Variants in RBBP6 observed in about 807,000 individuals in gnomAD.
RBBP6 encodes RB binding protein 6, ubiquitin ligase.
In RBBP6, 25 loss-of-function variants were observed where a neutral mutation model predicts 167.7. The observed-to-expected ratio is 0.15, with a 90% CI of 0.11 to 0.21. The LOEUF is 0.21. Among genes scored for constraint, RBBP6 ranks in the 10% least tolerant of loss-of-function variants. The pLI is 1.00. For missense variants in RBBP6, 1,868 were observed against 2,134.2 expected (o/e 0.88, Z 2.46); for synonymous variants, 789 against 735.8 (o/e 1.07, Z -1.17).
chr16:24,544,799 C>G (rs1459548997), intron 1 of RBBP6, among the ~76,000 whole-genome samples: 6 of 152,168 alleles, frequency 3.9e-5, no homozygotes, highest in African/African-American at 1.2e-4. Flanking sequence ...TCTTCTCCCT[C>G]TTGGTTTTCC....
rs751954607 is a variant in RBBP6, at chr16:24,541,181, C to CAA, written c.166+399_166+400dup. Among the ~76,000 whole-genome samples the CAA allele has an allele frequency of 6.1e-3, 353 of 57,896 alleles. 2 individuals are homozygous for CAA. The highest frequency in any genetic ancestry group is 0.014 in the South Asian group (22 of 1,580). The allele number at this position is 57,896 out of a possible 152,430, so 38.0% of individuals were successfully genotyped here. On this transcript the variant is annotated intron_variant, in intron 1 of 17. Transcript: ENST00000319715. ...GTGCAAAGCTTGTTTGTTCAATCAG[C>CAA]AAAAAAAAAAACAAAAAAAAAACCA...
chr16:24,546,394 G>A (rs1424000785), intron 2 of RBBP6, 132 bp downstream of exon 2: 14 of 1,099,336 alleles, frequency 1.3e-5, no homozygotes, highest in Non-Finnish European at 1.5e-5. Context: ...AAGACTGTGA[G>A]GATAGTAGGT....
chr16:24,556,650 G>A (rs879752281), intron 7 of RBBP6, among the ~76,000 whole-genome samples: 3 of 152,090 alleles, frequency 2.0e-5, no homozygotes, highest in Non-Finnish European at 2.9e-5. Flanking sequence ...GGGATTTTTT[G>A]TTACCAGTGA....
intron 2 of RBBP6, among the ~76,000 whole-genome samples, chr16:24,547,940 A>T (rs1462731871): frequency 1.3e-5 from 2 of 152,204 alleles, no homozygotes; most frequent in East Asian, 3.8e-4. Flanking sequence ...TTATATGTTA[A>T]TGTACAATAT....
chr16:24,549,389 T>A, intron 3 of RBBP6: 3 of 1,009,258 alleles, frequency 3.0e-6, no homozygotes, highest in Non-Finnish European at 2.4e-6. Flanking sequence ...CAATAAAAAA[T>A]GTTTGGAGTG....
chr16:24,566,635 G>A (rs1042635226), intron 14 of RBBP6, among the ~76,000 whole-genome samples: 4 of 152,180 alleles, frequency 2.6e-5, no homozygotes, highest in Non-Finnish European at 5.9e-5. Context: ...CAGCTACTTG[G>A]GAAGCTGAGG....
At chr16:24,549,412 T>C (rs1243262280) in intron 3 of RBBP6, 3 of 986,974 alleles carry the variant, frequency 3.0e-6, no homozygotes, top group Non-Finnish European at 3.6e-6. Flanking sequence ...TATTTTGCCA[T>C]TTTCACGTTG....
Position 24,570,085 on chromosome 16 carries a change from A to G in RBBP6, c.3395A>G (p.Lys1132Arg). Residue 1132 changes from lysine (K) to arginine (R), a missense_variant, in exon 17 of 18, where the codon AAG becomes AGG. This residue lies in a region of RBBP6 where 673 missense variants were observed against 691.5 expected (regional missense o/e 0.97). Transcript: ENST00000319715. ...KLTTKEEKAK[K>R]PNEKNKPLDN... Reference sequence around the variant, plus strand: ...ACAACTAAGGAAGAAAAGGCCAAGAAGCCTAATGAGAAAAACAAACCACTT... The same window carrying G: ...ACAACTAAGGAAGAAAAGGCCAAGAGGCCTAATGAGAAAAACAAACCACTT... 6.2e-7 allele frequency: 1 copy of G among 1,605,658 alleles called. No homozygotes were observed. The highest frequency in any genetic ancestry group is 8.5e-7 in the Non-Finnish European group (1 of 1,178,210).
chr16:24,569,115 A>G lies in RBBP6; in HGVS notation c.2425A>G (p.Lys809Glu), dbSNP rs1169362603. 2 of 1,613,472 alleles carry G rather than the reference A, an allele frequency of 1.2e-6. No homozygotes were observed. Among genetic ancestry groups the G allele is most frequent in the Admixed American group, 3.3e-5 (2 of 59,828 alleles). The stretch of plus-strand genomic sequence containing the variant: ...AGAAGTTCCACCACCATATGACATG[A>G]AAGCATATTATGGGAGAAGTGTTGA... ...YREVPPPYDM[K>E]AYYGRSVDFR... The change falls in exon 17 of 18, where the codon AAA becomes GAA. Residue 809 changes from lysine (K) to glutamate (E), a missense_variant. By Grantham distance (56) the Lys-to-Glu change is moderately conservative. This residue lies in a region of RBBP6 where 673 missense variants were observed against 691.5 expected (regional missense o/e 0.97). Transcript: ENST00000319715.
chr16:24,566,087 A>G (rs1567278840), intron 14 of RBBP6, among the ~76,000 whole-genome samples: 1 of 152,148 alleles, frequency 6.6e-6, no homozygotes, highest in Admixed American at 6.5e-5. Flanking sequence ...AATTCGGGAT[A>G]TCTTCTAGTG....
intron 1 of RBBP6, among the ~76,000 whole-genome samples, chr16:24,541,149 A>G (rs572597677): frequency 6.9e-6 from 1 of 144,742 alleles, no homozygotes; most frequent in South Asian, 2.4e-4. Flanking sequence ...GGAGGGCAGG[A>G]GAGCCTGTGC....
intron 3 of RBBP6, chr16:24,552,948 G>A (rs1898834359): frequency 1.3e-5 from 2 of 151,658 alleles, no homozygotes; most frequent in African/African-American, 4.8e-5. Flanking sequence ...TAACATCTTT[G>A]CCCTGAGAAA....
In RBBP6 at chr16:24,568,745, G is replaced by T. The variant is rs1899252236; in HGVS notation, c.2055G>T (p.Arg685Ser). The part of the protein sequence containing the change: ...IQKERRRSFS[R>S]SKSPYSGSSY... Reference sequence around the variant, plus strand: ...AACTATTGTTTTGTTTTGTTTTTAGGTCTAAATCTCCCTATAGTGGTTCTT... The same window carrying T: ...AACTATTGTTTTGTTTTGTTTTTAGTTCTAAATCTCCCTATAGTGGTTCTT... The change falls in exon 17 of 18, where the codon AGG becomes AGT. Residue 685 changes from arginine to serine, a missense_variant and splice_region_variant. By Grantham distance (110) the Arg-to-Ser change is moderately radical. This residue lies in a region of RBBP6 where 145 missense variants were observed against 224.3 expected (regional missense o/e 0.65). Transcript: ENST00000319715. 10 of 1,606,140 alleles carry T rather than the reference G, an allele frequency of 6.2e-6. No individual in the cohort carries two copies. The highest frequency in any genetic ancestry group is 6.8e-6 in the Non-Finnish European group (8 of 1,175,262).
At position 24,540,325 on chromosome 16, in the gene RBBP6, A is replaced by C. The variant is rs1222526762; in HGVS notation, c.-302A>C. The C allele has an allele frequency of 3.7e-6, 1 of 273,508 alleles. No homozygotes were observed. The highest frequency in any genetic ancestry group is 8.1e-5 in the East Asian group (1 of 12,284). 16.9% of individuals were successfully genotyped at this position (273,508 alleles called of 1,614,324 possible). A position where few individuals can be genotyped will look rare whatever the true frequency, so the allele number is the denominator to read the frequency against. On this transcript the variant is annotated 5_prime_UTR_variant, in exon 1 of 18. Transcript: ENST00000319715. Reference sequence around the variant, plus strand: ...ATCCCCCCGTCTCTGCCGGCCCCTTAGCATGAGCGAGGGGGACCCAGCCGG... The same window carrying C: ...ATCCCCCCGTCTCTGCCGGCCCCTTCGCATGAGCGAGGGGGACCCAGCCGG...
Position 24,571,898 on chromosome 16 carries a change from C to T in RBBP6, c.4832C>T (p.Thr1611Ile), listed in dbSNP as rs965297772. Residue 1611 changes from threonine to isoleucine, a missense_variant, in exon 18 of 18, where the codon ACT (threonine) becomes ATT (isoleucine). Transcript: ENST00000319715. ...ATTACTGGGCAAATTGACAAGAGTA[C>T]TGTCAAGCCTAAACCCCAGTTAAGT... Reference protein sequence around the residue: ...EQITGQIDKSTVKPKPQLSHS... With the variant: ...EQITGQIDKSIVKPKPQLSHS... 1 of 1,614,008 alleles carries T rather than the reference C, an allele frequency of 6.2e-7. No homozygotes were observed. The highest frequency in any genetic ancestry group is 1.1e-5 in the South Asian group (1 of 91,076).
intron 17 of RBBP6, 84 bp from the exon 18 acceptor site, chr16:24,570,792 A>T: frequency 1.8e-6 from 2 of 1,132,252 alleles, no homozygotes; most frequent in Non-Finnish European, 2.3e-6. Flanking sequence ...ATTTGTGTTT[A>T]AGTTAGCATT....
chr16:24,552,572 G>T (rs939111032), intron 3 of RBBP6, among the ~76,000 whole-genome samples: 1 of 151,786 alleles, frequency 6.6e-6, no homozygotes, highest in Non-Finnish European at 1.5e-5. Context: ...AAAAAAATTA[G>T]TGTTCAATTT....
rs1439439930 is a variant in RBBP6 at position 24,539,914 on chromosome 16, C to G, written c.-713C>G. 9 of 153,066 alleles carry G rather than the reference C, an allele frequency of 5.9e-5. No individual in the cohort carries two copies. The highest frequency in any genetic ancestry group is 1.8e-4 in the South Asian group (1 of 5,592). 9.5% of individuals were successfully genotyped at this position (153,066 alleles called of 1,614,324 possible). ...CGAGGCCTAGCGCCGGCTTTGTGTC[C>G]GAGGCGGCGGCGGCGGCGGGGGGAG... is the stretch of plus-strand genomic sequence containing the variant. On this transcript the variant is annotated 5_prime_UTR_variant, in exon 1 of 18. Transcript: ENST00000319715.
chr16:24,555,653 T>C lies in RBBP6; in HGVS notation c.387T>C (p.Asp129=). The C allele has an allele frequency of 6.2e-7, 1 of 1,613,540 alleles. No individual in the cohort carries two copies. Among genetic ancestry groups the C allele is most frequent in the Non-Finnish European group, 8.5e-7 (1 of 1,179,804 alleles). The change falls in exon 5 of 18, where the codon GAT becomes GAC. Residue 129 remains aspartate (D), a synonymous_variant. Transcript: ENST00000319715. ...CTGAAGCCAATGCTTCTGAAGAAGA[T>C]AAAATTAAAGCAATGATGTCGCAAT... ...NLAEANASEE[D]KIKAMMSQSG...
Sources: allele counts gnomAD v4.1 joint callset (sites outside exome capture counted in the v4.1 genomes callset), GRCh38; gene constraint gnomAD v4.1.1; regional missense constraint gnomAD v4.1.1; transcripts MANE v1.5; gene names NCBI Gene and HGNC (gene_info 2026-07-23, HGNC 2026-07-21).